The following TRAF3 variants were observed in gnomAD, a reference collection of about 807,000 sequenced individuals.
The protein encoded by TRAF3 is TNF receptor associated factor 3.
Under a neutral mutation model 62.3 loss-of-function variants are expected in TRAF3, and 13 were observed. The ratio of observed to expected loss-of-function variants is 0.21; its 90% CI spans 0.14 to 0.33. TRAF3 has a LOEUF of 0.33. Ranked by LOEUF, TRAF3 falls within the 10% of genes least tolerant of loss-of-function variation. TRAF3 has a pLI of 1.00. For missense variants in TRAF3, 440 were observed against 741.8 expected (o/e 0.59, Z 4.73); for synonymous variants, 269 against 283.4 (o/e 0.95, Z 0.51).
intron 9 of TRAF3, among the ~76,000 whole-genome samples, chr14:102,894,580 A>C (rs1279242906): frequency 6.6e-6 from 1 of 152,062 alleles, no homozygotes; most frequent in African/African-American, 2.4e-5. Flanking sequence ...CTGCTAGAAG[A>C]GTGGAAGCAG....
intron 6 of TRAF3, among the ~76,000 whole-genome samples, chr14:102,882,567 G>GTTTTTTTT (rs386382371): frequency 7.3e-6 from 1 of 137,180 alleles, no homozygotes. Context: ...CATGTATTTT[G>GTTTTTTTT]TTTTTTTTTT....
rs2140018202 is a variant in TRAF3 at position 102,907,401 on chromosome 14, C to G, written c.*1617C>G. The stretch of plus-strand genomic sequence containing the variant: ...TTTCTCAACTCACTGTTTACTGTCT[C>G]TCAGTGTCCAACTGTGATTAGAAGC... On this transcript the variant is annotated 3_prime_UTR_variant, in exon 12 of 12. Coordinates refer to ENST00000392745, the MANE Select transcript of TRAF3 (RefSeq NM_145725.3). The G allele has an allele frequency of 6.6e-6, 1 of 152,462 alleles. No homozygotes were observed. The highest frequency in any genetic ancestry group is 2.1e-4 in the South Asian group (1 of 4,832). 9.4% of individuals were successfully genotyped at this position (152,462 alleles called of 1,614,324 possible). A position where few individuals can be genotyped will look rare whatever the true frequency, so the allele number is the denominator to read the frequency against.
At chr14:102,901,217 G>A (rs1265382584) in intron 10 of TRAF3, among the ~76,000 whole-genome samples, 1 of 152,118 alleles carries the variant, frequency 6.6e-6, no homozygotes, top group South Asian at 2.1e-4. Flanking sequence ...GAGGTCAGGC[G>A]TGCCCTTGCG....
intron 1 of TRAF3, among the ~76,000 whole-genome samples, chr14:102,795,612 G>GTGTGTGTGTGTGTGTGTGTC (rs1278615678): frequency 1.3e-5 from 2 of 151,580 alleles, no homozygotes; most frequent in Non-Finnish European, 2.9e-5. Flanking sequence ...GTGTGTGTGT[G>GTGTGTGTGTGTGTGTGTGTC]TGTGTGTGCA....
Position 102,837,777 on chromosome 14 carries a change from GTTGT to G in TRAF3, c.-18+7306_-18+7309del, listed in dbSNP as rs1424427398. On this transcript the variant is annotated intron_variant, in intron 2 of 11. Coordinates refer to ENST00000392745, the MANE Select transcript of TRAF3 (RefSeq NM_145725.3). ...TAATCGTGCAGGGTTTGAATTGACA[GTTGT>G]CAAAGTCAGCAAAAATACTATGGTC... 5.3e-5 allele frequency among the ~76,000 whole-genome samples: 8 copies of G among 152,334 alleles called. No individual in the cohort carries two copies. In the East Asian group the frequency reaches 1.3e-3, roughly 26 times the overall value.
rs1367273439 is a variant in TRAF3, at chr14:102,848,815, A to G, written c.-18+18343A>G. On this transcript the variant is annotated intron_variant, in intron 2 of 11. Transcript: ENST00000392745. ...CTGGCCTTTGCTGTTTCCACTGGAC[A>G]TGTTCTTCTGCCTGTGGGTGGATAT... Among the ~76,000 whole-genome samples, 7 of 152,224 alleles carry G rather than the reference A, an allele frequency of 4.6e-5. No homozygotes were observed. In the East Asian group the frequency reaches 7.7e-4, roughly 17 times the overall value.
At chr14:102,821,448 G>A (rs1899982880) in intron 1 of TRAF3, among the ~76,000 whole-genome samples, 1 of 152,196 alleles carries the variant, frequency 6.6e-6, no homozygotes, top group Non-Finnish European at 1.5e-5. Flanking sequence ...TTATGAGCGA[G>A]TAATCATGAC....
intron 10 of TRAF3, among the ~76,000 whole-genome samples, chr14:102,897,877 A>G (rs1010676151): frequency 6.6e-6 from 1 of 152,262 alleles, no homozygotes; most frequent in African/African-American, 2.4e-5. Context: ...CCAGAAGAAC[A>G]AACCAGTGAA....
chr14:102,889,489 T>G (rs1160123644), intron 7 of TRAF3, 71 bp from the exon 8 acceptor site: 2 of 1,470,380 alleles, frequency 1.4e-6, no homozygotes, highest in African/African-American at 2.8e-5. Flanking sequence ...AGATGCTATC[T>G]GTGCCCTAAT....
At chr14:102,868,895 C>CT (rs773659006) in intron 2 of TRAF3, among the ~76,000 whole-genome samples, 2 of 152,166 alleles carry the variant, frequency 1.3e-5, no homozygotes, top group Admixed American at 6.5e-5. Context: ...AAGCTGGGAC[C>CT]TTTGTGGCTT....
chr14:102,845,129 C>T (rs1371833804), intron 2 of TRAF3, among the ~76,000 whole-genome samples: 1 of 152,028 alleles, frequency 6.6e-6, no homozygotes, highest in East Asian at 1.9e-4. Context: ...ATCTCCTGAC[C>T]TCGTGATCCA....
chr14:102,904,615 C>A (rs1890482824), intron 11 of TRAF3, among the ~76,000 whole-genome samples: 1 of 149,144 alleles, frequency 6.7e-6, no homozygotes, highest in African/African-American at 2.5e-5. Flanking sequence ...TTGAGATCAT[C>A]CTGGCTAACA....
chr14:102,861,951 T>G (rs1887703036), intron 2 of TRAF3, among the ~76,000 whole-genome samples: 1 of 152,242 alleles, frequency 6.6e-6, no homozygotes, highest in Admixed American at 6.5e-5. Context: ...TGCTAAACCC[T>G]TATTAGATAT....
At chr14:102,824,675 C>G (rs1900189990) in intron 1 of TRAF3, among the ~76,000 whole-genome samples, 1 of 152,206 alleles carries the variant, frequency 6.6e-6, no homozygotes, top group Non-Finnish European at 1.5e-5. Flanking sequence ...TAGTTTGCAT[C>G]AAATTCATGT....
At chr14:102,862,119 C>CA (rs1287276845) in intron 2 of TRAF3, among the ~76,000 whole-genome samples, 4 of 152,078 alleles carry the variant, frequency 2.6e-5, no homozygotes, top group African/African-American at 9.7e-5. Context: ...TCTAAGAATC[C>CA]ATTGCCAAAT....
In TRAF3 at chr14:102,905,894, G is replaced by A; in HGVS notation, c.*110G>A. 9.7e-7 allele frequency: 1 copy of A among 1,033,242 alleles called. No individual in the cohort carries two copies. The highest frequency in any genetic ancestry group is 2.7e-5 in the Admixed American group (1 of 37,714). 64.0% of individuals were successfully genotyped at this position (1,033,242 alleles called of 1,614,324 possible). ...CAGAAAAGGACCTTGTGAGACGGAGGAAGCGGCAGAAGGCGGACGCGTGCC... is the reference window on the plus strand; with the variant it reads ...CAGAAAAGGACCTTGTGAGACGGAGAAAGCGGCAGAAGGCGGACGCGTGCC... On this transcript the variant is annotated 3_prime_UTR_variant, in exon 12 of 12. Transcript: ENST00000392745.
intron 1 of TRAF3, among the ~76,000 whole-genome samples, chr14:102,778,577 G>A (rs1000863389): frequency 1.4e-5 from 2 of 147,556 alleles, no homozygotes; most frequent in Non-Finnish European, 3.0e-5. Context: ...CATGTGATGC[G>A]TGGTGCGTGG....
At chr14:102,819,639 A>G (rs1899771698) in intron 1 of TRAF3, among the ~76,000 whole-genome samples, 1 of 152,200 alleles carries the variant, frequency 6.6e-6, no homozygotes. Context: ...GTTGTCATCT[A>G]ACAGTCATGG....
At chr14:102,883,667 C>A (rs148802863) in intron 6 of TRAF3, among the ~76,000 whole-genome samples, 1 of 152,178 alleles carries the variant, frequency 6.6e-6, no homozygotes, top group African/African-American at 2.4e-5. Context: ...CTCACTGTAA[C>A]CTTCGCCTCC....
Sources: gnomAD v4.1 joint callset for allele counts (sites outside exome capture counted in the v4.1 genomes callset) on GRCh38, gnomAD v4.1.1 for gene constraint, MANE v1.5 for transcripts, NCBI Gene and HGNC (gene_info 2026-07-23, HGNC 2026-07-21) for gene names.